SPIRE1: variants seen among roughly 807,000 people sequenced by gnomAD.
SPIRE1 encodes the protein protein spire homolog 1.
In SPIRE1, 40 loss-of-function variants were observed where a neutral mutation model predicts 94.1. The ratio of observed to expected loss-of-function variants is 0.43; its 90% CI spans 0.33 to 0.55. The LOEUF (loss-of-function observed/expected upper bound fraction) is 0.55, where lower values mean the gene tolerates loss of function less well. Among genes scored for constraint, SPIRE1 ranks in the 20% least tolerant of loss-of-function variants. SPIRE1 has a pLI of 0.06. For synonymous variants in SPIRE1, 376 were observed against 371.7 expected (o/e 1.01, Z -0.13); for missense variants, 838 against 975.2 (o/e 0.86, Z 1.87).
At chr18:12,458,506 C>T (rs1598887874) in intron 12 of SPIRE1, among the ~76,000 whole-genome samples, 1 of 151,818 alleles carries the variant, frequency 6.6e-6, no homozygotes, top group South Asian at 2.1e-4. Context: ...CCCAGCTACT[C>T]GGGAGGCTAA....
intron 2 of SPIRE1, among the ~76,000 whole-genome samples, chr18:12,552,241 T>C (rs1262027788): frequency 6.6e-6 from 1 of 152,222 alleles, no homozygotes; most frequent in Non-Finnish European, 1.5e-5. Context: ...TCCTGGCAAG[T>C]CCTGGTGCTG....
chr18:12,547,920 A>AAAAC (rs139102568), intron 2 of SPIRE1, among the ~76,000 whole-genome samples: 64,242 of 151,590 alleles, frequency 0.42, 14,993 homozygotes, highest in East Asian at 0.59. Context: ...CTATCTCATA[A>AAAAC]AAACAAACAA....
intron 1 of SPIRE1, among the ~76,000 whole-genome samples, chr18:12,650,854 G>A (rs1418695810): frequency 6.7e-6 from 1 of 149,344 alleles, no homozygotes; most frequent in Non-Finnish European, 1.5e-5. Context: ...TACAGCCTGG[G>A]TGACAAAGCG....
chr18:12,586,718 A>G (rs1052220884), intron 2 of SPIRE1, among the ~76,000 whole-genome samples: 1 of 152,224 alleles, frequency 6.6e-6, no homozygotes, highest in Non-Finnish European at 1.5e-5. Context: ...TTCTACTAGT[A>G]AAACTGTTTC....
chr18:12,656,041 G>A (rs1598592924), intron 1 of SPIRE1, among the ~76,000 whole-genome samples: 1 of 151,594 alleles, frequency 6.6e-6, no homozygotes, highest in East Asian at 1.9e-4. Context: ...TGGTATTCCA[G>A]CGGCACAACA....
intron 12 of SPIRE1, chr18:12,459,683 G>T (rs528160878): frequency 3.8e-5 from 34 of 883,424 alleles, no homozygotes; most frequent in Non-Finnish European, 4.5e-5. Flanking sequence ...CTCAGAGAAC[G>T]CAACAGTTGA....
chr18:12,500,803 T>A (rs1432626939), intron 6 of SPIRE1, among the ~76,000 whole-genome samples: 1 of 152,102 alleles, frequency 6.6e-6, no homozygotes, highest in Non-Finnish European at 1.5e-5. Flanking sequence ...CTGGACACAG[T>A]GGCTCACGCC....
At position 12,492,539 on chromosome 18, in the gene SPIRE1, C is replaced by T. The variant is rs1034605750; in HGVS notation, c.1189+533G>A. On this transcript the variant is annotated intron_variant, in intron 8 of 16. Transcript: ENST00000409402. ...AACATGCTTTCATGACATAATATTA[C>T]GGGTATCTTTAAACCCATAATAAAC... 1.2e-4 allele frequency among the ~76,000 whole-genome samples: 19 copies of T among 152,182 alleles called. No homozygotes were observed. The South Asian group carries it at 1.9e-3, about 15-fold the overall frequency.
chr18:12,498,024 C>A (rs1235360129), intron 6 of SPIRE1, among the ~76,000 whole-genome samples: 1 of 152,212 alleles, frequency 6.6e-6, no homozygotes, highest in Non-Finnish European at 1.5e-5. Context: ...GGACCTAAGT[C>A]AGTACGGGTG....
rs188247722 is a variant in SPIRE1 at position 12,618,935 on chromosome 18, A to T, written c.372+16127T>A. On this transcript the variant is annotated intron_variant, in intron 2 of 16. Coordinates refer to ENST00000409402, the MANE Select transcript of SPIRE1 (RefSeq NM_001128626.2). ...GTTTTGCTCTTGTTGCCCAGGCTGG[A>T]GTGCAATGGTGCGATCTCGGCTCAC... Among the ~76,000 whole-genome samples the T allele has an allele frequency of 6.6e-3, 1,005 of 152,022 alleles. 10 individuals are homozygous for T. Among genetic ancestry groups the T allele is most frequent in the African/African-American group, 0.022 (924 of 41,480 alleles).
chr18:12,480,130 C>CAGTTTATTTTCCAGATGAAGA (rs1479697551), intron 9 of SPIRE1, among the ~76,000 whole-genome samples: 1 of 152,158 alleles, frequency 6.6e-6, no homozygotes, highest in Non-Finnish European at 1.5e-5. Flanking sequence ...AACTGACTCA[C>CAGTTTATTTTCCAGATGAAGA]AACTTGTTTA....
At chr18:12,510,129 C>T (rs1349885318) in intron 5 of SPIRE1, among the ~76,000 whole-genome samples, 1 of 150,300 alleles carries the variant, frequency 6.7e-6, no homozygotes, top group Non-Finnish European at 1.5e-5. Context: ...CATATGATTA[C>T]ATTTATATAA....
rs560748120 is a variant in SPIRE1 at position 12,658,056 on chromosome 18, G to T, written c.-190C>A. The T allele has an allele frequency of 3.0e-6, 3 of 991,468 alleles. No individual in the cohort carries two copies. The highest frequency in any genetic ancestry group is 1.8e-5 in the African/African-American group (1 of 57,066). 61.4% of individuals were successfully genotyped at this position (991,468 alleles called of 1,614,324 possible). A position where few individuals can be genotyped will look rare whatever the true frequency, so the allele number is the denominator to read the frequency against. On this transcript the variant is annotated 5_prime_UTR_variant, in exon 1 of 17. Transcript: ENST00000409402. ...GGCAAGAGGAGGGCGGCGAGGACAC[G>T]GCTGCAGTCCCGGTCAGACAGCCGC...
At chr18:12,628,167 T>C (rs1309823240) in intron 2 of SPIRE1, among the ~76,000 whole-genome samples, 1 of 152,228 alleles carries the variant, frequency 6.6e-6, no homozygotes, top group Non-Finnish European at 1.5e-5. Context: ...GATTTTCTTC[T>C]AGGGTTTTTA....
At chr18:12,621,622 C>A (rs928904121) in intron 2 of SPIRE1, among the ~76,000 whole-genome samples, 3 of 152,178 alleles carry the variant, frequency 2.0e-5, no homozygotes, top group African/African-American at 4.8e-5. Flanking sequence ...CCTAAAATAA[C>A]CTATGAGTCC....
At chr18:12,505,337 T>C (rs1319067999) in intron 6 of SPIRE1, among the ~76,000 whole-genome samples, 1 of 151,846 alleles carries the variant, frequency 6.6e-6, no homozygotes, top group Non-Finnish European at 1.5e-5. Flanking sequence ...TTGAGCTCTG[T>C]TAGGAATTAA....
chr18:12,486,559 T>C (rs552757167), intron 8 of SPIRE1, among the ~76,000 whole-genome samples: 1 of 152,190 alleles, frequency 6.6e-6, no homozygotes, highest in African/African-American at 2.4e-5. Context: ...ACAGGACAGA[T>C]TGCCTGAGTT....
At chr18:12,460,573 G>A (rs1316239794) in intron 12 of SPIRE1, among the ~76,000 whole-genome samples, 1 of 152,152 alleles carries the variant, frequency 6.6e-6, no homozygotes, top group Non-Finnish European at 1.5e-5. Context: ...TTAGCCGGGT[G>A]TGGTGGCACA....
rs143660278 is a variant in SPIRE1 at position 12,632,533 on chromosome 18, CAGAT to C, written c.372+2525_372+2528del. The stretch of plus-strand genomic sequence containing the variant: ...CTATCTTAATTACCAAAGTAATACA[CAGAT>C]ACTTTTTTTTAAATCAAACAATATG... On this transcript the variant is annotated intron_variant, in intron 2 of 16. Transcript: ENST00000409402. Among the ~76,000 whole-genome samples, 1,433 of 152,274 alleles carry C rather than the reference CAGAT, an allele frequency of 9.4e-3. 29 individuals are homozygous for C. Among genetic ancestry groups the C allele is most frequent in the African/African-American group, 0.033 (1,385 of 41,538 alleles).
Sources: allele counts gnomAD v4.1 joint callset (sites outside exome capture counted in the v4.1 genomes callset), GRCh38; gene constraint gnomAD v4.1.1; transcripts MANE v1.5; gene names NCBI Gene and HGNC (gene_info 2026-07-23, HGNC 2026-07-21).